Variants in ELP3 observed in about 807,000 individuals in gnomAD.
The protein encoded by ELP3 is elongator complex protein 3.
Under a neutral mutation model 74.9 loss-of-function variants are expected in ELP3, and 56 were observed. That is an observed-to-expected ratio of 0.75 (90% CI 0.60 to 0.93). The LOEUF (loss-of-function observed/expected upper bound fraction) is 0.93. Ranked by LOEUF, ELP3 falls within the 40% of genes least tolerant of loss-of-function variation. The probability of loss-of-function intolerance (pLI) is 0.00; values close to 1 mark genes in which losing one functional copy is unlikely to be tolerated. For missense variants in ELP3, 573 were observed against 686.5 expected (o/e 0.83, Z 1.85); for synonymous variants, 222 against 239.8 (o/e 0.93, Z 0.68).
intron 10 of ELP3, among the ~76,000 whole-genome samples, chr8:28,144,740 G>A (rs185939351): frequency 4.6e-5 from 7 of 152,332 alleles, no homozygotes; most frequent in Admixed American, 4.6e-4. Context: ...TAGACTTTTA[G>A]AAAGAAACTT....
At chr8:28,107,342 A>G (rs1811739291) in intron 4 of ELP3, among the ~76,000 whole-genome samples, 1 of 152,244 alleles carries the variant, frequency 6.6e-6, no homozygotes, top group South Asian at 2.1e-4. Flanking sequence ...AACAGTAGAC[A>G]TTGGGATATG....
intron 11 of ELP3, among the ~76,000 whole-genome samples, chr8:28,156,534 A>G (rs912066064): frequency 6.6e-6 from 1 of 152,178 alleles, no homozygotes; most frequent in Non-Finnish European, 1.5e-5. Flanking sequence ...AAAGAGCCCA[A>G]GAACCTGCAA....
At chr8:28,134,259 T>G (rs1289273306) in intron 9 of ELP3, among the ~76,000 whole-genome samples, 1 of 152,208 alleles carries the variant, frequency 6.6e-6, no homozygotes, top group East Asian at 1.9e-4. Context: ...GTATGTTTCA[T>G]ACTGTAGGAA....
At chr8:28,139,164 T>C (rs1813118823) in intron 10 of ELP3, among the ~76,000 whole-genome samples, 1 of 152,084 alleles carries the variant, frequency 6.6e-6, no homozygotes, top group Non-Finnish European at 1.5e-5. Context: ...GCAGATCTGG[T>C]ACAGGATGTC....
intron 9 of ELP3, among the ~76,000 whole-genome samples, chr8:28,133,925 C>T (rs1465175046): frequency 6.6e-6 from 1 of 152,050 alleles, no homozygotes. Flanking sequence ...GCCAAAAAGG[C>T]ACCTGAAACA....
In ELP3 at chr8:28,099,713, G is replaced by A. The variant is rs561990599; in HGVS notation, c.120-115G>A. 64 of 1,132,618 alleles carry A rather than the reference G, an allele frequency of 5.7e-5. 2 individuals carry two copies. The South Asian group carries it at 6.8e-4, about 12-fold the overall frequency. The allele number at this position is 1,132,618 out of a possible 1,614,324, so 70.2% of individuals were successfully genotyped here. A position where few individuals can be genotyped will look rare whatever the true frequency, so the allele number is the denominator to read the frequency against. On this transcript the variant is annotated intron_variant, in intron 2 of 14. Transcript: ENST00000256398. The stretch of plus-strand genomic sequence containing the variant: ...CAGATCTTAAAACTATCCTTGTCAC[G>A]TGGTGAAGGGATTGGAGAGTGACAG...
At chr8:28,097,460 C>A in intron 2 of ELP3, 142 bp downstream of exon 2, 1 of 443,966 alleles carries the variant, frequency 2.3e-6, no homozygotes, top group South Asian at 3.1e-5. Flanking sequence ...TCATTCATTT[C>A]TTTTTTTTTT....
intron 14 of ELP3, among the ~76,000 whole-genome samples, chr8:28,170,995 C>A (rs1222172305): frequency 1.3e-5 from 2 of 152,174 alleles, no homozygotes; most frequent in Non-Finnish European, 2.9e-5. Context: ...CAGTGCTCAT[C>A]CATGCTGTAG....
At chr8:28,118,638 G>C (rs1390469516) in intron 7 of ELP3, among the ~76,000 whole-genome samples, 1 of 152,150 alleles carries the variant, frequency 6.6e-6, no homozygotes, top group Non-Finnish European at 1.5e-5. Context: ...CCGGTAGTGG[G>C]ATCTGAGTCA....
At chr8:28,145,642 A>C (rs751122149) in intron 10 of ELP3, among the ~76,000 whole-genome samples, 10 of 152,074 alleles carry the variant, frequency 6.6e-5, no homozygotes, top group Non-Finnish European at 1.5e-4. Context: ...TGTTGTTTTG[A>C]GACGAAGTCT....
At chr8:28,156,775 A>T (rs1813844430) in intron 11 of ELP3, among the ~76,000 whole-genome samples, 2 of 152,300 alleles carry the variant, frequency 1.3e-5, no homozygotes, top group Admixed American at 1.3e-4. Flanking sequence ...TTTGGGCCAC[A>T]CTTTGAAAGA....
intron 10 of ELP3, among the ~76,000 whole-genome samples, chr8:28,148,154 A>G (rs1345355585): frequency 6.6e-6 from 1 of 152,204 alleles, no homozygotes; most frequent in Non-Finnish European, 1.5e-5. Flanking sequence ...TGCTACTACT[A>G]ATAGCATTTA....
At chr8:28,151,913 T>C (rs1813655220) in intron 10 of ELP3, among the ~76,000 whole-genome samples, 1 of 152,202 alleles carries the variant, frequency 6.6e-6, no homozygotes, top group Non-Finnish European at 1.5e-5. Flanking sequence ...GAGGTAAATC[T>C]CACAATATTG....
chr8:28,154,081 A>C (rs1483328387), intron 10 of ELP3, among the ~76,000 whole-genome samples: 1 of 152,208 alleles, frequency 6.6e-6, no homozygotes, highest in Non-Finnish European at 1.5e-5. Context: ...TGCCTTAGAG[A>C]AATTACATGT....
chr8:28,145,472 A>G (rs533809913), intron 10 of ELP3, among the ~76,000 whole-genome samples: 37 of 152,314 alleles, frequency 2.4e-4, no homozygotes, highest in Non-Finnish European at 4.6e-4. Flanking sequence ...ATCATTGTAA[A>G]GGAAAATCAT....
At chr8:28,133,399 GT>G (rs1166131107) in intron 9 of ELP3, among the ~76,000 whole-genome samples, 2 of 143,574 alleles carry the variant, frequency 1.4e-5, no homozygotes, top group African/African-American at 5.1e-5. Flanking sequence ...CCTTTTACTT[GT>G]GCTTCCATTA....
chr8:28,186,716 G>A (rs932126168), intron 14 of ELP3, among the ~76,000 whole-genome samples: 1 of 152,140 alleles, frequency 6.6e-6, no homozygotes, highest in Non-Finnish European at 1.5e-5. Context: ...CAGTGGTAGG[G>A]CTGCATGTGC....
intron 7 of ELP3, among the ~76,000 whole-genome samples, chr8:28,122,155 T>G (rs1042991523): frequency 2.6e-5 from 4 of 152,238 alleles, no homozygotes; most frequent in Non-Finnish European, 5.9e-5. Context: ...TAAACCCTAT[T>G]ATATCATCAT....
chr8:28,154,834 T>A (rs1434276062), intron 10 of ELP3, among the ~76,000 whole-genome samples: 1 of 152,210 alleles, frequency 6.6e-6, no homozygotes, highest in Non-Finnish European at 1.5e-5. Context: ...ATATATACAT[T>A]TTATGTCACT....
Sources: gnomAD v4.1 joint callset for allele counts (sites outside exome capture counted in the v4.1 genomes callset) on GRCh38, gnomAD v4.1.1 for gene constraint, MANE v1.5 for transcripts, NCBI Gene and HGNC (gene_info 2026-07-23, HGNC 2026-07-21) for gene names.